The following NFATC2 variants were observed in gnomAD, a reference collection of about 807,000 sequenced individuals.
The protein encoded by NFATC2 is nuclear factor of activated T-cells, cytoplasmic 2.
NFATC2 carries 22 observed loss-of-function variants against 87.3 expected under a neutral mutation model. The observed-to-expected ratio is 0.25, with a 90% CI of 0.18 to 0.36. The LOEUF (loss-of-function observed/expected upper bound fraction) is 0.36. Among genes scored for constraint, NFATC2 ranks in the 10% least tolerant of loss-of-function variants. NFATC2 has a pLI of 1.00. For missense variants in NFATC2, 1,149 were observed against 1,259.1 expected, an observed-to-expected ratio of 0.91 and a Z score of 1.32; for synonymous variants, 565 against 542.2, an observed-to-expected ratio of 1.04 and a Z score of -0.58.
In NFATC2 at chr20:51,540,658, G is replaced by GTTTTTTTTTTTT. The variant is rs397864888; in HGVS notation, c.130+1700_130+1711dup. On this transcript the variant is annotated intron_variant, in intron 1 of 10. Transcript: ENST00000371564. Reference sequence around the variant, plus strand: ...TTCCAAAAACTGAAGTTTTTTTTTTGTTTTTTTTTTTTTGAGAAAACAGAT... The same window carrying GTTTTTTTTTTTT: ...TTCCAAAAACTGAAGTTTTTTTTTTGTTTTTTTTTTTTTTTTTTTTTTTTTGAGAAAACAGAT... Among the ~76,000 whole-genome samples the GTTTTTTTTTTTT allele has an allele frequency of 8.5e-4, 94 of 110,058 alleles. 15 individuals carry two copies. The highest frequency in any genetic ancestry group is 2.6e-3 in the African/African-American group (70 of 26,942). 72.2% of individuals were successfully genotyped at this position (110,058 alleles called of 152,430 possible). A position where few individuals can be genotyped will look rare whatever the true frequency, so the allele number is the denominator to read the frequency against.
At chr20:51,461,395 T>A (rs996465624) in intron 5 of NFATC2, among the ~76,000 whole-genome samples, 1 of 152,242 alleles carries the variant, frequency 6.6e-6, no homozygotes. Flanking sequence ...GGCTCAGGCC[T>A]GCGGGTGAAG....
At chr20:51,396,271 A>G (rs1182775635) in intron 10 of NFATC2, among the ~76,000 whole-genome samples, 1 of 151,938 alleles carries the variant, frequency 6.6e-6, no homozygotes, top group Non-Finnish European at 1.5e-5. Flanking sequence ...ACCTGCATGT[A>G]CTTTCTCCTC....
chr20:51,500,733 CTCACCAACCCCCA>C (rs2146624865), intron 3 of NFATC2, among the ~76,000 whole-genome samples: 1 of 57,600 alleles, frequency 1.7e-5, no homozygotes, highest in African/African-American at 7.9e-5. Context: ...CGCCCTCACC[CTCACCAACCCCCA>C]CCACCCCCAC....
intron 6 of NFATC2, among the ~76,000 whole-genome samples, chr20:51,444,554 A>T (rs1984799562): frequency 6.6e-6 from 1 of 151,760 alleles, no homozygotes; most frequent in African/African-American, 2.4e-5. Flanking sequence ...ACTCTGGGAG[A>T]AATGAGCAAG....
At chr20:51,530,115 A>C (rs1179930417) in intron 1 of NFATC2, among the ~76,000 whole-genome samples, 4 of 152,308 alleles carry the variant, frequency 2.6e-5, no homozygotes, top group African/African-American at 9.6e-5. Context: ...GTTAGAAAGA[A>C]AGGTGTCAAT....
intron 4 of NFATC2, among the ~76,000 whole-genome samples, chr20:51,474,655 G>A (rs767943928): frequency 3.3e-5 from 5 of 152,196 alleles, no homozygotes; most frequent in African/African-American, 7.2e-5. Flanking sequence ...GCATGTTAAC[G>A]CCTGGGAAAG....
chr20:51,450,289 C>T (rs1477791500), intron 6 of NFATC2, among the ~76,000 whole-genome samples: 1 of 152,202 alleles, frequency 6.6e-6, no homozygotes, highest in Non-Finnish European at 1.5e-5. Flanking sequence ...CCAGATCTCT[C>T]CCAGCCTAGG....
chr20:51,542,429 G>A lies in NFATC2; in HGVS notation c.71C>T (p.Pro24Leu). The A allele has an allele frequency of 6.2e-7, 1 of 1,601,952 alleles. No individual in the cohort carries two copies. Among genetic ancestry groups the A allele is most frequent in the Non-Finnish European group, 8.5e-7 (1 of 1,174,742 alleles). The change falls in exon 1 of 11, where the codon CCC becomes CTC. Residue 24 changes from proline to leucine, a missense_variant. By Grantham distance (98) the Pro-to-Leu change is moderately conservative. This residue lies in a region of NFATC2 where 563 missense variants were observed against 585.2 expected (regional missense o/e 0.96). Coordinates refer to ENST00000371564, the MANE Select transcript of NFATC2 (RefSeq NM_012340.5). ...GATGGAGAAGTCAAGCTCGTCTTGG[G>A]GGCTGCCCCCAGGCTCGTGGCCTGG... ...DAPGHEPGGSPQDELDFSILF... is the reference protein window; with the variant it reads ...DAPGHEPGGSLQDELDFSILF...
At position 51,452,828 on chromosome 20, in the gene NFATC2, C is replaced by T. The variant is rs528570885; in HGVS notation, c.1849+1720G>A. On this transcript the variant is annotated intron_variant, in intron 6 of 10. Coordinates refer to ENST00000371564, the MANE Select transcript of NFATC2 (RefSeq NM_012340.5). ...GGTGCTAAGCCCACTTGCTCTAATT[C>T]ATTCAGACCTTACCTTTGTGGGTAG... 6.0e-4 allele frequency: 92 copies of T among 154,474 alleles called. 2 individuals are homozygous for T. In the South Asian group the frequency reaches 0.013, roughly 21 times the overall value. The allele number at this position is 154,474 out of a possible 1,614,324, so 9.6% of individuals were successfully genotyped here.
intron 9 of NFATC2, among the ~76,000 whole-genome samples, chr20:51,420,600 C>G (rs1980731432): frequency 6.6e-6 from 1 of 152,016 alleles, no homozygotes. Context: ...AGAGGAAGAA[C>G]CTCTAGATTT....
chr20:51,436,393 A>ATTT (rs11481937), intron 6 of NFATC2, among the ~76,000 whole-genome samples: 120 of 142,494 alleles, frequency 8.4e-4, no homozygotes, highest in Admixed American at 1.9e-3. Context: ...CTATCTTTCT[A>ATTT]TTTTTTTTTT....
At chr20:51,497,629 C>T (rs149470108) in intron 3 of NFATC2, among the ~76,000 whole-genome samples, 595 of 152,288 alleles carry the variant, frequency 3.9e-3, no homozygotes, top group Non-Finnish European at 6.6e-3. Context: ...CTGCAGCCAC[C>T]GCCTTCCACC....
intron 4 of NFATC2, 85 bp from the exon 5 acceptor site, chr20:51,474,237 G>A (rs1358716913): frequency 7.9e-6 from 12 of 1,511,138 alleles, no homozygotes; most frequent in Non-Finnish European, 9.0e-6. Flanking sequence ...TCTACAGCCA[G>A]TCACTGGGGG....
At chr20:51,522,266 C>T (rs2076457746) in intron 2 of NFATC2, among the ~76,000 whole-genome samples, 1 of 131,668 alleles carries the variant, frequency 7.6e-6, no homozygotes, top group African/African-American at 3.0e-5. Flanking sequence ...CACAAAGGTG[C>T]TCAGTACAAA....
chr20:51,444,678 G>A (rs1201386553), intron 6 of NFATC2, among the ~76,000 whole-genome samples: 1 of 152,194 alleles, frequency 6.6e-6, no homozygotes, highest in Non-Finnish European at 1.5e-5. Context: ...AACCGCACAT[G>A]ATGCTTCCCA....
At chr20:51,544,870 T>TG (rs1303152478), upstream of NFATC2, among the ~76,000 whole-genome samples, 26 of 152,288 alleles carry the variant, frequency 1.7e-4, no homozygotes, top group African/African-American at 4.8e-4. Context: ...TGCAGGGGCC[T>TG]GGGGGCTGGC....
In NFATC2 at chr20:51,388,174, G is replaced by C. The variant is rs532793647; in HGVS notation, c.*3322C>G. 1 of 152,290 alleles carries C rather than the reference G, an allele frequency of 6.6e-6. No individual in the cohort carries two copies. The highest frequency in any genetic ancestry group is 2.1e-4 in the South Asian group (1 of 4,826). The allele number at this position is 152,290 out of a possible 1,614,324, so 9.4% of individuals were successfully genotyped here. ...AATATTAGCCTGAACGTTGAGTTCT[G>C]TGAACATGAATTCTTTTCGAATTCC... is the stretch of plus-strand genomic sequence containing the variant. On this transcript the variant is annotated 3_prime_UTR_variant, in exon 11 of 11. Coordinates refer to ENST00000371564, the MANE Select transcript of NFATC2 (RefSeq NM_012340.5).
chr20:51,521,679 A>T (rs1170786128), intron 2 of NFATC2, among the ~76,000 whole-genome samples: 2 of 152,246 alleles, frequency 1.3e-5, no homozygotes, highest in African/African-American at 4.8e-5. Flanking sequence ...AAAATAAAAA[A>T]TAACCTGAAA....
At chr20:51,529,896 C>A (rs1051665096) in intron 1 of NFATC2, among the ~76,000 whole-genome samples, 2 of 152,130 alleles carry the variant, frequency 1.3e-5, no homozygotes, top group African/African-American at 4.8e-5. Flanking sequence ...TGGGCAAAGG[C>A]TCTGAGTCTG....
Sources: gnomAD v4.1 joint callset for allele counts (sites outside exome capture counted in the v4.1 genomes callset) on GRCh38, gnomAD v4.1.1 for gene constraint, gnomAD v4.1.1 regional missense constraint, MANE v1.5 for transcripts, NCBI Gene and HGNC (gene_info 2026-07-23, HGNC 2026-07-21) for gene names.